Variants in MYO1C observed in about 807,000 individuals in gnomAD.
MYO1C encodes the protein myosin IC.
A neutral mutation model predicts 150.8 loss-of-function variants in MYO1C; 104 were observed. The ratio of observed to expected loss-of-function variants is 0.69; its 90% CI spans 0.59 to 0.81. The LOEUF (loss-of-function observed/expected upper bound fraction) is 0.81. Among genes scored for constraint, MYO1C ranks in the 30% least tolerant of loss-of-function variants. The pLI, the probability that MYO1C is intolerant of heterozygous loss-of-function variation, is 0.00. For synonymous variants in MYO1C, 663 were observed against 579.9 expected (o/e 1.14, Z -2.06); for missense variants, 1,504 against 1,435.0 (o/e 1.05, Z -0.78).
rs764490277 is a variant in MYO1C, at chr17:1,482,937, T to C, written c.470A>G (p.Tyr157Cys). ...CTCGGGGGCTGGGCAGGTCTCTGCA[T>C]AGAACTGCAGCAGCCTCTTGGTGGC... is the stretch of plus-strand genomic sequence containing the variant. ...TEATKRLLQF[Y>C]AETCPAPERG... The change falls in exon 4 of 32, where the codon TAT becomes TGT. Residue 157 changes from tyrosine to cysteine, a missense_variant. Transcript: ENST00000648651. The C allele has an allele frequency of 9.4e-6, 15 of 1,589,942 alleles. No individual in the cohort carries two copies. The South Asian group carries it at 1.5e-4, about 16-fold the overall frequency.
rs1325426936 is a variant in MYO1C, at chr17:1,472,245, C to G, written c.1798-17G>C. 1 of 1,612,248 alleles carries G rather than the reference C, an allele frequency of 6.2e-7. No individual in the cohort carries two copies. Among genetic ancestry groups the G allele is most frequent in the South Asian group, 1.1e-5 (1 of 91,052 alleles). ...GGTGGCGACCTGGCGAGCCAAGAGG[C>G]ATGGGAGGTTGGCCGGAGCTGGGCT... On this transcript the variant is annotated splice_polypyrimidine_tract_variant and intron_variant, in intron 17 of 31. Transcript: ENST00000648651.
At chr17:1,480,493 A>C (rs552357788) in intron 7 of MYO1C, 34 bp downstream of exon 7, 1 of 1,540,428 alleles carries the variant, frequency 6.5e-7, no homozygotes, top group South Asian at 1.1e-5. Context: ...GGGGTGTGAC[A>C]GGAGGAAAGC....
At position 1,474,964 on chromosome 17, in the gene MYO1C, G is replaced by T; in HGVS notation, c.1643C>A (p.Ala548Glu). 6.3e-7 allele frequency: 1 copy of T among 1,576,124 alleles called. No homozygotes were observed. The highest frequency in any genetic ancestry group is 8.6e-7 in the Non-Finnish European group (1 of 1,160,138). The stretch of plus-strand genomic sequence containing the variant: ...GGTCACGCTGTAGGTCACCTCCCCC[G>T]CATAGTGCAGAAGGCGGAATTCCCC... ...GRGEFRLLHY[A>E]GEVTYSVTGF... The change falls in exon 15 of 32, where the codon GCG becomes GAG. Residue 548 changes from alanine to glutamate, a missense_variant. Ala to Glu is a moderately radical substitution (Grantham distance 107). Transcript: ENST00000648651.
Position 1,470,602 on chromosome 17 carries a change from C to T in MYO1C, c.2281+19G>A. Reference sequence around the variant, plus strand: ...GGCCCCAGACCCCGCCCCTCCTGAACACCCATGGGCCCGCGAACCTGATCT... The same window carrying T: ...GGCCCCAGACCCCGCCCCTCCTGAATACCCATGGGCCCGCGAACCTGATCT... On this transcript the variant is annotated intron_variant, in intron 22 of 31. Coordinates refer to ENST00000648651, the MANE Select transcript of MYO1C (RefSeq NM_001080779.2). The T allele has an allele frequency of 6.3e-7, 1 of 1,585,684 alleles. No homozygotes were observed.
intron 24 of MYO1C, 71 bp downstream of exon 24, chr17:1,470,104 G>A: frequency 2.7e-6 from 4 of 1,478,520 alleles, no homozygotes; most frequent in Non-Finnish European, 3.7e-6. Context: ...CCAATCCTTT[G>A]GCCCGAAGAA....
chr17:1,478,908 C>A lies in MYO1C; in HGVS notation c.1093-173G>T, dbSNP rs1412353327. ...GGACCTCAGGGAGGACAGGTGGCCACCCCAGAGGGAAGGTGGTAGAGGGAC... is the reference window on the plus strand; with the variant it reads ...GGACCTCAGGGAGGACAGGTGGCCAACCCAGAGGGAAGGTGGTAGAGGGAC... On this transcript the variant is annotated intron_variant, in intron 9 of 31. Coordinates refer to ENST00000648651, the MANE Select transcript of MYO1C (RefSeq NM_001080779.2). This position sits in a 1 kb window ranked among gnomAD's most constrained non-coding sequence, Gnocchi z 6.3. Among the ~76,000 whole-genome samples, 2 of 152,272 alleles carry A rather than the reference C, an allele frequency of 1.3e-5. No homozygotes were observed. Among genetic ancestry groups the A allele is most frequent in the African/African-American group, 4.8e-5 (2 of 41,576 alleles).
In MYO1C at chr17:1,483,734, G is replaced by A. The variant is rs757343253; in HGVS notation, c.232-9C>T. Reference sequence around the variant, plus strand: ...ACGGGGCCAATGTAGGTCTGGGATCGGGGGAAGAGGGTCCAAAGTTTATCC... The same window carrying A: ...ACGGGGCCAATGTAGGTCTGGGATCAGGGGAAGAGGGTCCAAAGTTTATCC... On this transcript the variant is annotated splice_polypyrimidine_tract_variant and intron_variant, in intron 2 of 31. Coordinates refer to ENST00000648651, the MANE Select transcript of MYO1C (RefSeq NM_001080779.2). 23 of 1,593,372 alleles carry A rather than the reference G, an allele frequency of 1.4e-5. No individual in the cohort carries two copies. The highest frequency in any genetic ancestry group is 1.7e-4 in the Middle Eastern group (1 of 6,054).
chr17:1,485,772 C>T, intron 1 of MYO1C: 1 of 1,014,194 alleles, frequency 9.9e-7, no homozygotes, highest in African/African-American at 1.7e-5. Context: ...GGCTCGGCGG[C>T]GGTGGCGGCG....
rs777339781 is a variant in MYO1C, at chr17:1,484,133, C to T, written c.231+15G>A. On this transcript the variant is annotated intron_variant, in intron 2 of 31. Transcript: ENST00000648651. ...TGACCCCAGCACCCCTGCCATCTCC[C>T]CACAAGGGCCTCACGTAGATGAGAT... 3 of 1,612,280 alleles carry T rather than the reference C, an allele frequency of 1.9e-6. No homozygotes were observed. The Admixed American group carries it at 5.0e-5, about 27-fold the overall frequency.
intron 14 of MYO1C, among the ~76,000 whole-genome samples, chr17:1,476,917 C>A (rs1310894106): frequency 3.3e-5 from 5 of 151,968 alleles, no homozygotes; most frequent in East Asian, 1.9e-4. Context: ...CGGCTCACTG[C>A]AACCTGCACC....
In MYO1C at chr17:1,479,284, C is replaced by T. The variant is rs1343045200; in HGVS notation, c.1092+147G>A. 13 of 675,148 alleles carry T rather than the reference C, an allele frequency of 1.9e-5. No homozygotes were observed. The highest frequency in any genetic ancestry group is 3.4e-5 in the South Asian group (2 of 59,270). 41.8% of individuals were successfully genotyped at this position (675,148 alleles called of 1,614,324 possible). On this transcript the variant is annotated intron_variant, in intron 9 of 31. Coordinates refer to ENST00000648651, the MANE Select transcript of MYO1C (RefSeq NM_001080779.2). The surrounding 1 kb of genome is among the most constrained non-coding windows in gnomAD (Gnocchi z 4.2). Reference sequence around the variant, plus strand: ...CTGGGGTTACAGGCGTGAGCCACGGCGCTCGGCTCTCACTCTGCTTCTCTG... The same window carrying T: ...CTGGGGTTACAGGCGTGAGCCACGGTGCTCGGCTCTCACTCTGCTTCTCTG...
chr17:1,473,602 CT>C (rs2150943369), intron 17 of MYO1C, among the ~76,000 whole-genome samples: 1 of 152,214 alleles, frequency 6.6e-6, no homozygotes, highest in South Asian at 2.1e-4. Flanking sequence ...TGGGGCTCCC[CT>C]GACCCTCTTT....
chr17:1,481,765 T>G (rs2074526332), intron 5 of MYO1C, among the ~76,000 whole-genome samples: 1 of 149,324 alleles, frequency 6.7e-6, no homozygotes. Context: ...CCTCCCAAAG[T>G]GCTCAGATTA....
intron 5 of MYO1C, chr17:1,481,175 C>G (rs777294313): frequency 2.2e-6 from 1 of 455,500 alleles, no homozygotes; most frequent in Non-Finnish European, 4.0e-6. Context: ...CCTCTTCAAA[C>G]AAGCTCCTGT....
intron 31 of MYO1C, among the ~76,000 whole-genome samples, 167 bp from the exon 32 acceptor site, chr17:1,465,919 T>G (rs2074160718): frequency 6.6e-6 from 1 of 151,342 alleles, no homozygotes; most frequent in Non-Finnish European, 1.5e-5. Context: ...CTCCCACCTC[T>G]GCTTCCCTAA....
chr17:1,485,255 C>T (rs2074627823), intron 1 of MYO1C: 2 of 1,160,518 alleles, frequency 1.7e-6, no homozygotes, highest in Non-Finnish European at 2.2e-6. Context: ...AAAAAATGGA[C>T]ACCCAGAGTA....
chr17:1,487,318 A>T lies in MYO1C; in HGVS notation c.76-3015T>A, dbSNP rs1049020462. Among the ~76,000 whole-genome samples, 22 of 152,260 alleles carry T rather than the reference A, an allele frequency of 1.4e-4. 1 individual carries two copies. The highest frequency in any genetic ancestry group is 5.3e-4 in the African/African-American group (22 of 41,560). On this transcript the variant is annotated intron_variant, in intron 1 of 31. Coordinates refer to ENST00000648651, the MANE Select transcript of MYO1C (RefSeq NM_001080779.2). Reference sequence around the variant, plus strand: ...AGGCACCTGCCTCCTCCACCAACACAACGGCGTACACAGACTCGCCCTGGT... The same window carrying T: ...AGGCACCTGCCTCCTCCACCAACACTACGGCGTACACAGACTCGCCCTGGT...
chr17:1,470,003 G>A (rs138480277), intron 24 of MYO1C, among the ~76,000 whole-genome samples, 172 bp downstream of exon 24: 2 of 151,976 alleles, frequency 1.3e-5, no homozygotes, highest in East Asian at 3.9e-4. Context: ...CCACTCCCTG[G>A]GCGAAAGTGT....
Position 1,465,669 on chromosome 17 carries a change from G to A in MYO1C, c.*57C>T. ...AGTTCGAGTCTTTGGTAACTGGGAA[G>A]GGGAGGAGGAGAAAAGCAAAGCATT... On this transcript the variant is annotated 3_prime_UTR_variant, in exon 32 of 32. Transcript: ENST00000648651. 7.6e-7 allele frequency: 1 copy of A among 1,322,684 alleles called. No homozygotes were observed. Among genetic ancestry groups the A allele is most frequent in the Non-Finnish European group, 9.8e-7 (1 of 1,022,288 alleles). 81.9% of individuals were successfully genotyped at this position (1,322,684 alleles called of 1,614,324 possible).
Sources: gnomAD v4.1 joint callset for allele counts (sites outside exome capture counted in the v4.1 genomes callset) on GRCh38, gnomAD v4.1.1 for gene constraint, Gnocchi (gnomAD v3.1) non-coding constraint, MANE v1.5 for transcripts, NCBI Gene and HGNC (gene_info 2026-07-23, HGNC 2026-07-21) for gene names.